Variants in SH3RF3 observed in about 807,000 individuals in gnomAD.
The protein encoded by SH3RF3 is E3 ubiquitin-protein ligase SH3RF3.
A neutral mutation model predicts 66.3 loss-of-function variants in SH3RF3; 29 were observed. The ratio of observed to expected loss-of-function variants is 0.44; its 90% CI spans 0.33 to 0.60. The LOEUF (loss-of-function observed/expected upper bound fraction) is 0.60, where lower values mean the gene tolerates loss of function less well. Ranked by LOEUF, SH3RF3 falls within the 20% of genes least tolerant of loss-of-function variation. SH3RF3 has a pLI of 0.04. For synonymous variants in SH3RF3, 583 were observed against 532.0 expected (o/e 1.10, Z -1.32); for missense variants, 1,194 against 1,190.9 (o/e 1.00, Z -0.04).
chr2:109,249,186 A>G (rs1030957177), intron 1 of SH3RF3, among the ~76,000 whole-genome samples: 1 of 151,956 alleles, frequency 6.6e-6, no homozygotes, highest in Non-Finnish European at 1.5e-5. Flanking sequence ...CTGGCCAAGA[A>G]CTACACTCGT....
chr2:109,136,410 G>T (rs745556257), intron 1 of SH3RF3, among the ~76,000 whole-genome samples: 1 of 152,116 alleles, frequency 6.6e-6, no homozygotes, highest in South Asian at 2.1e-4. Context: ...AAAAGAACAG[G>T]GTGTCGAGCT....
intron 4 of SH3RF3, among the ~76,000 whole-genome samples, chr2:109,406,447 G>C (rs1573226293): frequency 6.6e-6 from 1 of 152,062 alleles, no homozygotes. Context: ...AGCAGCCCAC[G>C]TTCTCGGAGG....
chr2:109,191,360 A>G (rs1373996034), intron 1 of SH3RF3, among the ~76,000 whole-genome samples: 1 of 152,232 alleles, frequency 6.6e-6, no homozygotes, highest in African/African-American at 2.4e-5. Flanking sequence ...GCCTTGCAGT[A>G]CCAGCGGAGG....
chr2:109,468,593 C>T (rs1296456316), intron 8 of SH3RF3, among the ~76,000 whole-genome samples: 1 of 152,094 alleles, frequency 6.6e-6, no homozygotes, highest in Admixed American at 6.5e-5. Flanking sequence ...GTAGCTCACG[C>T]CTGTAATCCC....
chr2:109,275,812 G>A (rs940627177), intron 1 of SH3RF3, among the ~76,000 whole-genome samples: 3 of 152,226 alleles, frequency 2.0e-5, no homozygotes, highest in Non-Finnish European at 4.4e-5. Context: ...GGGATCTGAA[G>A]CGTTCGCGGG....
chr2:109,475,650 G>T (rs952078317), intron 8 of SH3RF3, among the ~76,000 whole-genome samples: 1 of 152,218 alleles, frequency 6.6e-6, no homozygotes, highest in Admixed American at 6.5e-5. Context: ...GCTCTGCATT[G>T]TAGGATGTCG....
intron 8 of SH3RF3, among the ~76,000 whole-genome samples, chr2:109,461,676 C>T (rs897240074): frequency 2.0e-5 from 3 of 150,244 alleles, no homozygotes; most frequent in Non-Finnish European, 4.4e-5. Flanking sequence ...TAAAGACCTG[C>T]GCGGTGATCC....
intron 4 of SH3RF3, among the ~76,000 whole-genome samples, chr2:109,411,066 G>A (rs1016344173): frequency 5.9e-5 from 9 of 152,196 alleles, no homozygotes; most frequent in African/African-American, 9.6e-5. Flanking sequence ...GAGGTGGCTC[G>A]TGGTTAGGAG....
intron 1 of SH3RF3, among the ~76,000 whole-genome samples, chr2:109,221,897 C>A (rs1679252999): frequency 6.6e-6 from 1 of 152,040 alleles, no homozygotes; most frequent in Non-Finnish European, 1.5e-5. Flanking sequence ...CAAAGGGATA[C>A]CTGCACCCCT....
At chr2:109,201,485 C>T (rs1219340813) in intron 1 of SH3RF3, among the ~76,000 whole-genome samples, 2 of 152,210 alleles carry the variant, frequency 1.3e-5, no homozygotes, top group Non-Finnish European at 2.9e-5. Flanking sequence ...TTATCTCTCT[C>T]TCCCCCTGGC....
chr2:109,430,228 A>G lies in SH3RF3; in HGVS notation c.1404-2273A>G, dbSNP rs140034798. Among the ~76,000 whole-genome samples the G allele has an allele frequency of 4.6e-5, 7 of 152,232 alleles. No individual in the cohort carries two copies. The South Asian group carries it at 1.2e-3, about 27-fold the overall frequency. The stretch of plus-strand genomic sequence containing the variant: ...GAGCCAACCCGGCTGCGCATTCTGC[A>G]TGTGGCCACTGAAGCAAACTGTTTT... On this transcript the variant is annotated intron_variant, in intron 5 of 9. Transcript: ENST00000309415.
At chr2:109,293,720 G>C (rs1559006304) in intron 1 of SH3RF3, among the ~76,000 whole-genome samples, 1 of 152,226 alleles carries the variant, frequency 6.6e-6, no homozygotes, top group East Asian at 1.9e-4. Context: ...CATGTTGGCT[G>C]TCAGCCTTCC....
chr2:109,262,128 G>A (rs1452260878), intron 1 of SH3RF3, among the ~76,000 whole-genome samples: 2 of 152,126 alleles, frequency 1.3e-5, no homozygotes, highest in Admixed American at 6.5e-5. Flanking sequence ...GAAAGCCCTG[G>A]GAAATGCTTA....
At chr2:109,258,913 G>C (rs1466058522) in intron 1 of SH3RF3, among the ~76,000 whole-genome samples, 3 of 152,176 alleles carry the variant, frequency 2.0e-5, no homozygotes, top group Non-Finnish European at 4.4e-5. Context: ...TTCAGCTCGA[G>C]CTGCAGAGAG....
At position 109,490,769 on chromosome 2, in the gene SH3RF3, C is replaced by G. The variant is rs1182476922; in HGVS notation, c.2313C>G (p.Gly771=). ...AAGTGTCCTCACTGTCCATCCACGGCAGGGCAGGGTCCTGCCCCATAGAGA... is the reference window on the plus strand; with the variant it reads ...AAGTGTCCTCACTGTCCATCCACGGGAGGGCAGGGTCCTGCCCCATAGAGA... The part of the protein sequence containing the change: ...GPEVSSLSIH[G]RAGSCPIESE... The change falls in exon 9 of 10, where the codon GGC becomes GGG. Residue 771 remains glycine, a synonymous_variant. Coordinates refer to ENST00000309415, the MANE Select transcript of SH3RF3 (RefSeq NM_001099289.3). The G allele has an allele frequency of 1.3e-6, 2 of 1,536,558 alleles. No individual in the cohort carries two copies. Among genetic ancestry groups the G allele is most frequent in the East Asian group, 4.9e-5 (2 of 40,882 alleles).
intron 1 of SH3RF3, among the ~76,000 whole-genome samples, chr2:109,165,670 C>A (rs1391779612): frequency 6.6e-6 from 1 of 152,158 alleles, no homozygotes; most frequent in Non-Finnish European, 1.5e-5. Context: ...ACACTTGGAG[C>A]CCACATAGCA....
intron 9 of SH3RF3, among the ~76,000 whole-genome samples, chr2:109,496,723 A>C (rs971020287): frequency 2.6e-5 from 4 of 152,196 alleles, no homozygotes; most frequent in Non-Finnish European, 4.4e-5. Context: ...AATGGCCCCC[A>C]AAGATGTCTA....
At chr2:109,452,399 G>A (rs1204676214) in intron 8 of SH3RF3, among the ~76,000 whole-genome samples, 3 of 152,152 alleles carry the variant, frequency 2.0e-5, no homozygotes, top group Non-Finnish European at 4.4e-5. Context: ...GTATTCTCCA[G>A]TCTGTTTCTG....
chr2:109,403,113 C>A (rs947007618), intron 4 of SH3RF3, among the ~76,000 whole-genome samples: 3 of 152,188 alleles, frequency 2.0e-5, no homozygotes, highest in Non-Finnish European at 2.9e-5. Context: ...AGAAAGGAAG[C>A]GTGCGTCTGT....
Sources: gnomAD v4.1 joint callset for allele counts (sites outside exome capture counted in the v4.1 genomes callset) on GRCh38, gnomAD v4.1.1 for gene constraint, MANE v1.5 for transcripts, NCBI Gene and HGNC (gene_info 2026-07-23, HGNC 2026-07-21) for gene names.